ASAP1: variants seen among roughly 807,000 people sequenced by gnomAD.
ASAP1 encodes the protein ArfGAP with SH3 domain, ankyrin repeat and PH domain 1.
ASAP1 carries 43 observed loss-of-function variants against 145.2 expected under a neutral mutation model. The ratio of observed to expected loss-of-function variants is 0.30; its 90% CI spans 0.23 to 0.38. The LOEUF is 0.38. ASAP1 is among the 10% of genes least tolerant of loss of function. The pLI is 1.00. For missense variants in ASAP1, 1,018 were observed against 1,355.3 expected (o/e 0.75, Z 3.91); for synonymous variants, 546 against 515.5 (o/e 1.06, Z -0.80).
intron 3 of ASAP1, among the ~76,000 whole-genome samples, chr8:130,277,116 C>G (rs966459577): frequency 5.3e-5 from 8 of 152,166 alleles, no homozygotes; most frequent in African/African-American, 1.9e-4. Context: ...ATCCCAGACT[C>G]TCCAGATCAG....
chr8:130,085,705 A>C lies in ASAP1; in HGVS notation c.2573-5734T>G, dbSNP rs990772776. 9.6e-5 allele frequency among the ~76,000 whole-genome samples: 14 copies of C among 146,046 alleles called. No homozygotes were observed. The East Asian group carries it at 2.9e-3, about 31-fold the overall frequency. Reference sequence around the variant, plus strand: ...AGCCATGATTGTGCCACTGTACTCCAGCCTAAGCGACAGAACAAGACGTTG... The same window carrying C: ...AGCCATGATTGTGCCACTGTACTCCCGCCTAAGCGACAGAACAAGACGTTG... On this transcript the variant is annotated intron_variant, in intron 25 of 29. Coordinates refer to ENST00000518721, the MANE Select transcript of ASAP1 (RefSeq NM_018482.4).
chr8:130,139,225 C>T (rs2097603509), intron 13 of ASAP1, among the ~76,000 whole-genome samples: 1 of 152,124 alleles, frequency 6.6e-6, no homozygotes, highest in South Asian at 2.1e-4. Flanking sequence ...TAGGGGGTGA[C>T]TTAATGACCA....
At chr8:130,082,496 G>C (rs932522216) in intron 25 of ASAP1, among the ~76,000 whole-genome samples, 9 of 138,242 alleles carry the variant, frequency 6.5e-5, no homozygotes, top group Non-Finnish European at 1.3e-4. Context: ...GCCACCACAC[G>C]TGGCCTTTTT....
At chr8:130,386,159 C>T (rs578098568) in intron 2 of ASAP1, among the ~76,000 whole-genome samples, 1 of 152,288 alleles carries the variant, frequency 6.6e-6, no homozygotes, top group African/African-American at 2.4e-5. Context: ...CCTGAGAATA[C>T]AGCCAGTGGA....
At chr8:130,270,513 T>C (rs1027303858) in intron 3 of ASAP1, among the ~76,000 whole-genome samples, 1 of 152,222 alleles carries the variant, frequency 6.6e-6, no homozygotes, top group Non-Finnish European at 1.5e-5. Flanking sequence ...GACAAGTAAC[T>C]TATAAATTCA....
At chr8:130,107,532 A>ATGTG (rs1444225823) in intron 24 of ASAP1, among the ~76,000 whole-genome samples, 8 of 83,136 alleles carry the variant, frequency 9.6e-5, no homozygotes, top group South Asian at 1.1e-3. Flanking sequence ...GTATGTATGT[A>ATGTG]TGTATGTATG....
At chr8:130,072,832 G>GTGTGTGTGT (rs61663506) in intron 27 of ASAP1, among the ~76,000 whole-genome samples, 5 of 11,740 alleles carry the variant, frequency 4.3e-4, no homozygotes, top group African/African-American at 1.6e-3. Flanking sequence ...TGTGCGCGCG[G>GTGTGTGTGT]GGGGGGGCAG....
chr8:130,377,932 G>T (rs1452422812), intron 2 of ASAP1, among the ~76,000 whole-genome samples: 2 of 152,112 alleles, frequency 1.3e-5, no homozygotes, highest in African/African-American at 4.8e-5. Context: ...AACTCTCTTC[G>T]GATTACCCTA....
At chr8:130,244,960 G>A (rs1351244960) in intron 3 of ASAP1, among the ~76,000 whole-genome samples, 2 of 152,124 alleles carry the variant, frequency 1.3e-5, no homozygotes, top group Non-Finnish European at 2.9e-5. Flanking sequence ...TCCAATTACA[G>A]CAGTTTGAGG....
At chr8:130,347,388 C>T (rs1390227016) in intron 3 of ASAP1, among the ~76,000 whole-genome samples, 3 of 152,216 alleles carry the variant, frequency 2.0e-5, no homozygotes, top group Admixed American at 6.5e-5. Context: ...GAGAAACTAA[C>T]ATCTTCCAAG....
At position 130,052,240 on chromosome 8, in the gene ASAP1, A is replaced by G. The variant is rs2097394356; in HGVS notation, c.*2491T>C. 1 of 152,690 alleles carries G rather than the reference A, an allele frequency of 6.5e-6. No individual in the cohort carries two copies. 9.5% of individuals were successfully genotyped at this position (152,690 alleles called of 1,614,324 possible). Reference sequence around the variant, plus strand: ...ACAAGTGTACTGATGTTTGATGGTAACATCCAGATGAGAATTCGGCATTTA... The same window carrying G: ...ACAAGTGTACTGATGTTTGATGGTAGCATCCAGATGAGAATTCGGCATTTA... On this transcript the variant is annotated 3_prime_UTR_variant, in exon 30 of 30. Coordinates refer to ENST00000518721, the MANE Select transcript of ASAP1 (RefSeq NM_018482.4).
At chr8:130,161,364 C>A (rs2097668890) in intron 11 of ASAP1, among the ~76,000 whole-genome samples, 1 of 152,150 alleles carries the variant, frequency 6.6e-6, no homozygotes, top group Non-Finnish European at 1.5e-5. Flanking sequence ...CACTCAGGAT[C>A]CTTTTGGGCC....
At chr8:130,230,038 T>A (rs1817817019) in intron 4 of ASAP1, among the ~76,000 whole-genome samples, 1 of 151,170 alleles carries the variant, frequency 6.6e-6, no homozygotes, top group Non-Finnish European at 1.5e-5. Context: ...CTCTCCAGCC[T>A]GGGCAACACA....
chr8:130,100,539 G>C (rs750301872), intron 24 of ASAP1, among the ~76,000 whole-genome samples: 2 of 152,046 alleles, frequency 1.3e-5, no homozygotes, highest in African/African-American at 2.4e-5. Flanking sequence ...ATGTTGGCCA[G>C]GCTGGTCTCG....
chr8:130,155,847 C>T (rs1195508888), intron 12 of ASAP1, among the ~76,000 whole-genome samples: 3 of 152,190 alleles, frequency 2.0e-5, no homozygotes, highest in Non-Finnish European at 2.9e-5. Context: ...CTGATTATGC[C>T]ATGCTAGAAT....
intron 1 of ASAP1, among the ~76,000 whole-genome samples, chr8:130,403,435 A>G (rs953684767): frequency 6.6e-6 from 1 of 152,186 alleles, no homozygotes; most frequent in Non-Finnish European, 1.5e-5. Flanking sequence ...ACAGCTTCTC[A>G]GTGCTTTAGA....
chr8:130,384,636 A>T (rs1458912765), intron 2 of ASAP1, among the ~76,000 whole-genome samples: 1 of 152,146 alleles, frequency 6.6e-6, no homozygotes, highest in Non-Finnish European at 1.5e-5. Context: ...GCCCGCCACC[A>T]TGCCCGGCTA....
At chr8:130,303,643 G>A (rs974053809) in intron 3 of ASAP1, among the ~76,000 whole-genome samples, 5 of 151,548 alleles carry the variant, frequency 3.3e-5, no homozygotes, top group African/African-American at 9.8e-5. Flanking sequence ...AATGCGTACT[G>A]CTAAGTGAAA....
At chr8:130,407,587 G>T (rs1829090346) in intron 1 of ASAP1, among the ~76,000 whole-genome samples, 1 of 152,202 alleles carries the variant, frequency 6.6e-6, no homozygotes. Flanking sequence ...GCGACAGAAA[G>T]ATTTAAAGCA....
Sources: allele counts gnomAD v4.1 joint callset (sites outside exome capture counted in the v4.1 genomes callset), GRCh38; gene constraint gnomAD v4.1.1; transcripts MANE v1.5; gene names NCBI Gene and HGNC (gene_info 2026-07-23, HGNC 2026-07-21).